The following RAMACL variants were observed in gnomAD, a reference collection of about 807,000 sequenced individuals.
RAMACL encodes the protein RNA guanine-7 methyltransferase activating subunit like.
A neutral mutation model predicts 13.4 loss-of-function variants in RAMACL; 9 were observed. That is an observed-to-expected ratio of 0.67 (90% CI 0.41 to 1.17). RAMACL has a LOEUF of 1.17. Among genes scored for constraint, RAMACL ranks in the 50% most tolerant of loss-of-function variants. RAMACL has a pLI of 0.01. For synonymous variants in RAMACL, 39 were observed against 49.3 expected, an observed-to-expected ratio of 0.79 and a Z score of 0.88; for missense variants, 124 against 141.6, an observed-to-expected ratio of 0.88 and a Z score of 0.63.
chr6:166,586,133 G>GT lies in RAMACL; in HGVS notation c.344dup (p.Tyr115Ter). ...GCCAACATTTCTATCAGTAGTAACC[G>GT]TAAGGAGGCCGCTGGTTGTAACCAT... Residue 115 changes from tyrosine to a stop codon, truncating the protein, a stop_gained and frameshift_variant, in exon 1 of 1, where the codon TAC (tyrosine) becomes TAAC (stop). Transcript: ENST00000444122. LOFTEE classifies it high-confidence loss of function. 1 of 1,506,950 alleles carries GT rather than the reference G, an allele frequency of 6.6e-7. No homozygotes were observed. Among genetic ancestry groups the GT allele is most frequent in the East Asian group, 2.3e-5 (1 of 43,256 alleles). The allele number at this position is 1,506,950 out of a possible 1,614,324, so 93.3% of individuals were successfully genotyped here. A position where few individuals can be genotyped will look rare whatever the true frequency, so the allele number is the denominator to read the frequency against.
At chr6:166,584,968 G>A (rs1785123067), downstream of RAMACL, among the ~76,000 whole-genome samples, 1 of 152,212 alleles carries the variant, frequency 6.6e-6, no homozygotes, top group Admixed American at 6.5e-5. Flanking sequence ...TCATTCCCAA[G>A]ATGTCTCAAA....
At chr6:166,585,073 TGAC>T (rs1785126045), downstream of RAMACL, among the ~76,000 whole-genome samples, 1 of 145,236 alleles carries the variant, frequency 6.9e-6, no homozygotes, top group African/African-American at 2.9e-5. Flanking sequence ...ACACGTGTGG[TGAC>T]GATGTTGCTA....
downstream of RAMACL, among the ~76,000 whole-genome samples, chr6:166,585,498 C>CTTTTTTTTTTTTT (rs58153048): frequency 1.5e-4 from 13 of 86,290 alleles, no homozygotes; most frequent in African/African-American, 5.6e-4. Context: ...TCAAACAAGT[C>CTTTTTTTTTTTTT]TTTTTTTTTT....
exon 1 of RAMACL, chr6:166,586,416 T>C (rs1348469839): frequency 6.2e-7 from 1 of 1,600,080 alleles, no homozygotes. Flanking sequence ...CTTGTCATTT[T>C]CTGTGAATCT....
At chr6:166,586,065 A>C (rs552287284) in exon 1 of RAMACL, 1 of 969,336 alleles carries the variant, frequency 1.0e-6, no homozygotes, top group East Asian at 2.7e-5. Context: ...AAGACACCCA[A>C]ACTTTTCTCA....
chr6:166,586,179 T>C (rs1413916356), exon 1 of RAMACL: 11 of 1,575,496 alleles, frequency 7.0e-6, no homozygotes, highest in African/African-American at 2.0e-5. Flanking sequence ...TTGCTGGGGA[T>C]AGTAAGGTTC....
downstream of RAMACL, among the ~76,000 whole-genome samples, chr6:166,585,498 CTT>C (rs58153048): frequency 0.022 from 1,872 of 86,278 alleles, 31 homozygotes; most frequent in Non-Finnish European, 0.026. Flanking sequence ...TCAAACAAGT[CTT>C]TTTTTTTTTT....
At chr6:166,586,353 T>C in exon 1 of RAMACL, 2 of 1,599,574 alleles carry the variant, frequency 1.3e-6, no homozygotes, top group Non-Finnish European at 1.7e-6. Flanking sequence ...GCTATTCCAT[T>C]CCTCAACAAT....
downstream of RAMACL, among the ~76,000 whole-genome samples, chr6:166,583,490 C>A (rs1334989830): frequency 6.6e-6 from 1 of 152,228 alleles, no homozygotes; most frequent in Non-Finnish European, 1.5e-5. Context: ...ATCCTGCGCA[C>A]CTTCTCTGAG....
downstream of RAMACL, among the ~76,000 whole-genome samples, chr6:166,585,078 AT>A (rs71674902): frequency 0.11 from 16,872 of 152,124 alleles, 3,131 homozygotes; most frequent in African/African-American, 0.39. Context: ...TGTGGTGACG[AT>A]GTTGCTACAA....
At chr6:166,585,591 A>G (rs1255523665), downstream of RAMACL, among the ~76,000 whole-genome samples, 1 of 97,212 alleles carries the variant, frequency 1.0e-5, no homozygotes, top group East Asian at 2.9e-4. Context: ...TCATCTATAG[A>G]TTAAGGAATC....
chr6:166,585,498 CTTTTTTTT>C (rs58153048), downstream of RAMACL, among the ~76,000 whole-genome samples: 3 of 86,308 alleles, frequency 3.5e-5, 1 homozygote, highest in Middle Eastern at 8.8e-3. Flanking sequence ...TCAAACAAGT[CTTTTTTTT>C]TTTTTTTTTT....
chr6:166,583,399 G>A (rs953160530), downstream of RAMACL, among the ~76,000 whole-genome samples: 1 of 152,158 alleles, frequency 6.6e-6, no homozygotes, highest in African/African-American at 2.4e-5. Context: ...TGTGAGTCTT[G>A]GTGATTAAAT....
At chr6:166,583,641 C>G (rs1192805297), downstream of RAMACL, among the ~76,000 whole-genome samples, 6 of 152,162 alleles carry the variant, frequency 3.9e-5, no homozygotes, top group Admixed American at 3.9e-4. Context: ...CGAAGCTAAG[C>G]CCACTGAATT....
chr6:166,586,384 G>A lies in RAMACL; in HGVS notation c.94C>T (p.Arg32Cys), dbSNP rs147909186. 1.3e-3 allele frequency: 2,148 copies of A among 1,599,610 alleles called. 43 individuals carry two copies. The East Asian group carries it at 0.036, about 27-fold the overall frequency. Residue 32 changes from arginine to cysteine, a missense_variant, in exon 1 of 1, where the codon CGC becomes TGC. Transcript: ENST00000444122. ...ACAATTGGAGGAGACTCAGGAGGGC[G>A]TTTCAGGTATTCCTGATACTCCTTG...
At chr6:166,586,100 T>C in exon 1 of RAMACL, 1 of 1,325,402 alleles carries the variant, frequency 7.5e-7, no homozygotes, top group South Asian at 1.4e-5. Context: ...ATGCTTTTAC[T>C]AAAAGCTGCC....
downstream of RAMACL, among the ~76,000 whole-genome samples, chr6:166,584,891 A>C (rs1785121057): frequency 6.6e-6 from 1 of 152,246 alleles, no homozygotes; most frequent in Non-Finnish European, 1.5e-5. Flanking sequence ...GGTTTACAAT[A>C]ACAACATTAG....
At chr6:166,583,717 T>C (rs1384796430), downstream of RAMACL, among the ~76,000 whole-genome samples, 4 of 152,204 alleles carry the variant, frequency 2.6e-5, no homozygotes, top group Non-Finnish European at 5.9e-5. Flanking sequence ...GGCTTTCTCC[T>C]CTGGATGGCA....
rs529951987 is a variant in RAMACL, at chr6:166,586,001, C to T, written c.*120G>A. ...TCTATTTTTTTTAAAGTCTCAACTT[C>T]CAAAAAATCAATAATCCATTCTGTA... On this transcript the variant is annotated 3_prime_UTR_variant, in exon 1 of 1. Coordinates refer to ENST00000444122, the Ensembl canonical transcript of RAMACL. The T allele has an allele frequency of 1.9e-4, 100 of 525,930 alleles. 14 individuals carry two copies. In the African/African-American group the frequency reaches 5.2e-3, roughly 28 times the overall value. 32.6% of individuals were successfully genotyped at this position (525,930 alleles called of 1,614,324 possible).
Sources: gnomAD v4.1 joint callset for allele counts (sites outside exome capture counted in the v4.1 genomes callset) on GRCh38, gnomAD v4.1.1 for gene constraint, MANE v1.5 for transcripts, NCBI Gene and HGNC (gene_info 2026-07-23, HGNC 2026-07-21) for gene names.